Variants in DMPK observed in about 807,000 individuals in gnomAD.
DMPK encodes the protein DM1 protein kinase, also known as myotonin-protein kinase.
DMPK carries 32 observed loss-of-function variants against 70.3 expected under a neutral mutation model. The ratio of observed to expected loss-of-function variants is 0.46; its 90% CI spans 0.34 to 0.61. The LOEUF (loss-of-function observed/expected upper bound fraction) is 0.61. DMPK is among the 20% of genes least tolerant of loss of function. DMPK has a pLI of 0.01. For synonymous variants in DMPK, 469 were observed against 390.9 expected (o/e 1.20, Z -2.36); for missense variants, 899 against 886.0 (o/e 1.01, Z -0.19).
rs1352153790 is a variant in DMPK at position 45,770,274 on chromosome 19, C to A, written c.*214G>T. On this transcript the variant is annotated 3_prime_UTR_variant, in exon 15 of 15. Coordinates refer to ENST00000291270, the MANE Select transcript of DMPK (RefSeq NM_004409.5). ...GCAGCAGCAGCAGCAGCATTCCCGG[C>A]TACAAGGACCCTTCGAGCCCCGTTC... 1.1e-5 allele frequency: 9 copies of A among 855,804 alleles called. No individual in the cohort carries two copies. Among genetic ancestry groups the A allele is most frequent in the Non-Finnish European group, 1.7e-5 (9 of 530,910 alleles). The allele number at this position is 855,804 out of a possible 1,614,324, so 53.0% of individuals were successfully genotyped here.
Position 45,774,951 on chromosome 19 carries a change from G to C in DMPK, c.1230C>G (p.Leu410=). The part of the protein sequence containing the change: ...FVGYSYSCMA[L]RDSEVPGPTP... ...AGGCCGTCCAGGGCAGTGCTTACCT[G>C]AGGGCCATGCAGGAGTAGGAGTAGC... The change falls in exon 9 of 15, where the codon CTC becomes CTG. Residue 410 remains leucine, a splice_region_variant and synonymous_variant. Coordinates refer to ENST00000291270, the MANE Select transcript of DMPK (RefSeq NM_004409.5). The C allele has an allele frequency of 6.2e-7, 1 of 1,613,702 alleles. No individual in the cohort carries two copies. Among genetic ancestry groups the C allele is most frequent in the Non-Finnish European group, 8.5e-7 (1 of 1,179,796 alleles).
In DMPK at chr19:45,774,961, C is replaced by T; in HGVS notation, c.1220G>A (p.Cys407Tyr). 6.2e-7 allele frequency: 1 copy of T among 1,613,832 alleles called. No homozygotes were observed. Among genetic ancestry groups the T allele is most frequent in the Non-Finnish European group, 8.5e-7 (1 of 1,179,912 alleles). ...HLPFVGYSYS[C>Y]MALRDSEVPG... ...GGGCAGTGCTTACCTGAGGGCCATGCAGGAGTAGGAGTAGCCCACAAAAGG... is the reference window on the plus strand; with the variant it reads ...GGGCAGTGCTTACCTGAGGGCCATGTAGGAGTAGGAGTAGCCCACAAAAGG... Residue 407 changes from cysteine to tyrosine, a missense_variant, in exon 9 of 15, where the codon TGC (cysteine) becomes TAC (tyrosine). By Grantham distance (194) the Cys-to-Tyr change is radical. Coordinates refer to ENST00000291270, the MANE Select transcript of DMPK (RefSeq NM_004409.5).
In DMPK at chr19:45,782,181, G is replaced by A. The variant is rs750037893; in HGVS notation, c.160+12C>T. On this transcript the variant is annotated intron_variant, in intron 1 of 14. Transcript: ENST00000291270. ...CACCCCATCTGCAGGAGCCCCGAGG[G>A]TAGGCACTCACCCCACTGCAAGAAG... is the stretch of plus-strand genomic sequence containing the variant. 11 of 1,510,462 alleles carry A rather than the reference G, an allele frequency of 7.3e-6. No individual in the cohort carries two copies. The highest frequency in any genetic ancestry group is 1.2e-5 in the South Asian group (1 of 81,138). The allele number at this position is 1,510,462 out of a possible 1,614,324, so 93.6% of individuals were successfully genotyped here.
At position 45,777,266 on chromosome 19, in the gene DMPK, C is replaced by CA; in HGVS notation, c.1146+60dup. The stretch of plus-strand genomic sequence containing the variant: ...CAGAAGGTAGGCACTGTCCTTACTC[C>CA]AACTTTATGGAGGGAGCATGGGGAG... On this transcript the variant is annotated intron_variant, in intron 8 of 14. Transcript: ENST00000291270. This position sits in a 1 kb window ranked among gnomAD's most constrained non-coding sequence, Gnocchi z 6.7. The CA allele has an allele frequency of 1.3e-6, 2 of 1,494,300 alleles. No homozygotes were observed. The highest frequency in any genetic ancestry group is 1.8e-6 in the Non-Finnish European group (2 of 1,123,836). The allele number at this position is 1,494,300 out of a possible 1,614,324, so 92.6% of individuals were successfully genotyped here.
In DMPK at chr19:45,779,286, G is replaced by A; in HGVS notation, c.410C>T (p.Ala137Val). ...DRRWITQLHF[A>V]FQDENYLYLV... is the part of the protein sequence containing the mutation. ...CACCAGGTAGTTCTCATCCTGGAAG[G>A]CGAAGTGCAGCTGCGTGATCCACCG... Residue 137 changes from alanine (A) to valine (V), a missense_variant, in exon 4 of 15, where the codon GCC becomes GTC. Transcript: ENST00000291270. The A allele has an allele frequency of 6.2e-7, 1 of 1,614,024 alleles. No homozygotes were observed. Among genetic ancestry groups the A allele is most frequent in the Non-Finnish European group, 8.5e-7 (1 of 1,180,018 alleles).
chr19:45,771,225 T>C (rs961562184), intron 13 of DMPK, 125 bp downstream of exon 13: 6 of 1,343,434 alleles, frequency 4.5e-6, no homozygotes, highest in Non-Finnish European at 6.1e-6. Context: ...AATAAAGGGC[T>C]TCTGCCCTCT....
At position 45,770,621 on chromosome 19, in the gene DMPK, G is replaced by A. The variant is rs776168530; in HGVS notation, c.1757C>T (p.Ser586Leu). Residue 586 changes from serine (S) to leucine (L), a missense_variant, in exon 15 of 15, where the codon TCG becomes TTG. Ser to Leu is a moderately radical substitution (Grantham distance 145). Transcript: ENST00000291270. ...LPARVPRPGL[S>L]EALSLLLFAV... ...GAACAGGAGCAGGGAAAGCGCCTCC[G>A]ATAGGCCAGGCCTAGGGACCTGCGG... The A allele has an allele frequency of 7.1e-6, 11 of 1,552,562 alleles. No homozygotes were observed. The highest frequency in any genetic ancestry group is 2.4e-5 in the South Asian group (2 of 84,130).
Position 45,777,923 on chromosome 19 carries a change from C to G in DMPK, c.676-50G>C, listed in dbSNP as rs1006131174. 2 of 1,518,302 alleles carry G rather than the reference C, an allele frequency of 1.3e-6. No individual in the cohort carries two copies. Among genetic ancestry groups the G allele is most frequent in the Non-Finnish European group, 1.8e-6 (2 of 1,116,950 alleles). The allele number at this position is 1,518,302 out of a possible 1,614,324, so 94.1% of individuals were successfully genotyped here. ...GCTTGGGCCCACCCCTCTGGGCCCA[C>G]CAGCTCTGGGCCCTCCTTCCAACCA... On this transcript the variant is annotated intron_variant, in intron 6 of 14. Coordinates refer to ENST00000291270, the MANE Select transcript of DMPK (RefSeq NM_004409.5). The surrounding 1 kb of genome is among the most constrained non-coding windows in gnomAD (Gnocchi z 6.7).
At chr19:45,778,267 G>A (rs1244955563) in intron 5 of DMPK, 47 bp from the exon 6 acceptor site, 9 of 1,554,226 alleles carry the variant, frequency 5.8e-6, no homozygotes, top group Non-Finnish European at 7.0e-6. Flanking sequence ...CCTCCCTTCT[G>A]TGGTCCCACC....
rs558794490 is a variant in DMPK, at chr19:45,771,064, G to T, written c.1648-4C>A. The T allele has an allele frequency of 6.6e-7, 1 of 1,526,014 alleles. No individual in the cohort carries two copies. The highest frequency in any genetic ancestry group is 8.8e-7 in the Non-Finnish European group (1 of 1,137,544). The allele number at this position is 1,526,014 out of a possible 1,614,324, so 94.5% of individuals were successfully genotyped here. A position where few individuals can be genotyped will look rare whatever the true frequency, so the allele number is the denominator to read the frequency against. On this transcript the variant is annotated splice_region_variant and splice_polypyrimidine_tract_variant and intron_variant, in intron 13 of 14. Transcript: ENST00000291270. ...CCACGGCCGGGGGGCCATCTAGCTGGAGAGAGAAGGGACAGGTGACCCGAT... is the reference window on the plus strand; with the variant it reads ...CCACGGCCGGGGGGCCATCTAGCTGTAGAGAGAAGGGACAGGTGACCCGAT...
chr19:45,778,455 G>A, intron 5 of DMPK, 38 bp downstream of exon 5: 2 of 1,603,444 alleles, frequency 1.2e-6, no homozygotes, highest in African/African-American at 1.3e-5. Context: ...CCCGGCCAGG[G>A]AACAAGCTTG....
At chr19:45,770,912 AAGGGG>A in intron 14 of DMPK, 54 bp downstream of exon 14, 2 of 1,252,720 alleles carry the variant, frequency 1.6e-6, no homozygotes, top group Non-Finnish European at 2.1e-6. Context: ...AGCGGGTGGC[AAGGGG>A]CGGGTGGAGC....
intron 4 of DMPK, chr19:45,778,996 C>T: frequency 1.7e-6 from 1 of 585,564 alleles, no homozygotes. Flanking sequence ...AAGACCTATC[C>T]CATTCCAGGT....
Position 45,775,016 on chromosome 19 carries a change from G to A in DMPK, c.1165C>T (p.Arg389Trp), listed in dbSNP as rs780560028. 1.7e-5 allele frequency: 28 copies of A among 1,613,790 alleles called. No homozygotes were observed. Among genetic ancestry groups the A allele is most frequent in the East Asian group, 2.2e-5 (1 of 44,874 alleles). The change falls in exon 9 of 15, where the codon CGG becomes TGG. Residue 389 changes from arginine (R) to tryptophan (W), a missense_variant. Arg to Trp is a moderately radical substitution (Grantham distance 101). Around this residue, in one of 3 missense-constraint regions of DMPK, gnomAD observed 555 missense variants for 483.8 expected, o/e 1.15. Transcript: ENST00000291270. ...TGGACCCCTAGCGGCGCACCTTCCCGAATGTCCGACAGTGTCTCCTGCGCA... is the reference window on the plus strand; with the variant it reads ...TGGACCCCTAGCGGCGCACCTTCCCAAATGTCCGACAGTGTCTCCTGCGCA... ...SGGGETLSDI[R>W]EGAPLGVHLP...
intron 1 of DMPK, chr19:45,780,494 C>G: frequency 8.8e-7 from 1 of 1,142,372 alleles, no homozygotes; most frequent in Non-Finnish European, 1.1e-6. Flanking sequence ...TTTAGTCCTA[C>G]CCCTTATTTA....
At chr19:45,778,799 G>A in intron 4 of DMPK, 158 bp from the exon 5 acceptor site, 1 of 743,368 alleles carries the variant, frequency 1.3e-6, no homozygotes, top group East Asian at 2.8e-5. Context: ...CCAAATCAGA[G>A]ACCACCTGCG....
Position 45,777,911 on chromosome 19 carries a change from C to CCTCTGGGCCCACCAG in DMPK, c.676-53_676-39dup. On this transcript the variant is annotated intron_variant, in intron 6 of 14. Transcript: ENST00000291270. This position sits in a 1 kb window ranked among gnomAD's most constrained non-coding sequence, Gnocchi z 6.7. ...GAGCAGAGCGAGGCTTGGGCCCACC[C>CCTCTGGGCCCACCAG]CTCTGGGCCCACCAGCTCTGGGCCC... The CCTCTGGGCCCACCAG allele has an allele frequency of 6.4e-7, 1 of 1,555,652 alleles. No homozygotes were observed. Among genetic ancestry groups the CCTCTGGGCCCACCAG allele is most frequent in the Non-Finnish European group, 8.7e-7 (1 of 1,146,524 alleles).
chr19:45,773,213 A>G (rs944574108), intron 9 of DMPK, among the ~76,000 whole-genome samples: 3 of 152,176 alleles, frequency 2.0e-5, no homozygotes, highest in African/African-American at 7.2e-5. Context: ...AGCTGTGGGA[A>G]GGGGACAGCT....
chr19:45,777,315 A>G lies in DMPK; in HGVS notation c.1146+12T>C. ...AGGTTCCCGCAGCCGAGCAGGGGCC[A>G]CAGGTACCTACCCCGCCCCCGCTCA... On this transcript the variant is annotated intron_variant, in intron 8 of 14. Coordinates refer to ENST00000291270, the MANE Select transcript of DMPK (RefSeq NM_004409.5). This position sits in a 1 kb window ranked among gnomAD's most constrained non-coding sequence, Gnocchi z 6.7. 1.3e-6 allele frequency: 2 copies of G among 1,551,948 alleles called. No individual in the cohort carries two copies. Among genetic ancestry groups the G allele is most frequent in the Non-Finnish European group, 1.7e-6 (2 of 1,147,442 alleles).
Sources: allele counts gnomAD v4.1 joint callset (sites outside exome capture counted in the v4.1 genomes callset), GRCh38; gene constraint gnomAD v4.1.1; regional missense constraint gnomAD v4.1.1; non-coding constraint Gnocchi (gnomAD v3.1); transcripts MANE v1.5; gene names NCBI Gene and HGNC (gene_info 2026-07-23, HGNC 2026-07-21).